The following DACH2 variants were observed in gnomAD, a reference collection of about 807,000 sequenced individuals.
The protein encoded by DACH2 is dachshund family transcription factor 2.
DACH2 carries 17 observed loss-of-function variants against 35.8 expected under a neutral mutation model. The observed-to-expected ratio is 0.48, with a 90% CI of 0.33 to 0.71. The LOEUF (loss-of-function observed/expected upper bound fraction) is 0.71, where lower values mean the gene tolerates loss of function less well. Among genes scored for constraint, DACH2 ranks in the 30% least tolerant of loss-of-function variants. The pLI, the probability that DACH2 is intolerant of heterozygous loss-of-function variation, is 0.02. For missense variants in DACH2, 469 were observed against 472.7 expected, an observed-to-expected ratio of 0.99 and a Z score of 0.07; for synonymous variants, 195 against 177.3, an observed-to-expected ratio of 1.10 and a Z score of -0.79.
intron 7 of DACH2, among the ~76,000 whole-genome samples, chrX:86,756,745 C>T (rs967440477): frequency 9.0e-6 from 1 of 110,908 alleles, no homozygotes; most frequent in Non-Finnish European, 1.9e-5. Context: ...TATGTAATTG[C>T]TCTGGCTAGG....
chrX:86,715,980 C>T (rs1019538829), intron 6 of DACH2, among the ~76,000 whole-genome samples: 8 of 111,573 alleles, frequency 7.2e-5, no homozygotes, highest in Non-Finnish European at 1.3e-4. Flanking sequence ...TTGGAGCCTT[C>T]TAAAGCACTG....
At chrX:86,564,544 A>G (rs1056811102) in intron 3 of DACH2, among the ~76,000 whole-genome samples, 3 of 111,574 alleles carry the variant, frequency 2.7e-5, no homozygotes, top group African/African-American at 9.8e-5. Flanking sequence ...CTTTAATTCC[A>G]GTGTAATTTA....
intron 3 of DACH2, among the ~76,000 whole-genome samples, chrX:86,585,621 C>A (rs925498039): frequency 2.7e-5 from 3 of 110,851 alleles, no homozygotes; most frequent in African/African-American, 9.8e-5. Flanking sequence ...TCCATGTATG[C>A]TCATTGGTTA....
intron 1 of DACH2, among the ~76,000 whole-genome samples, chrX:86,254,807 T>TATATATATATATATAGAGAGAG (rs1380613474): frequency 6.0e-5 from 3 of 49,652 alleles, no homozygotes; most frequent in African/African-American, 2.3e-4. Flanking sequence ...TATATATATA[T>TATATATATATATATAGAGAGAG]AGAGAGAGAG....
chrX:86,368,806 C>T (rs993351971), intron 1 of DACH2, among the ~76,000 whole-genome samples: 6 of 110,460 alleles, frequency 5.4e-5, no homozygotes, highest in Admixed American at 9.8e-5. Flanking sequence ...CGAGGGATTA[C>T]GGATGTAAGC....
chrX:86,188,136 A>G (rs1260714911), intron 1 of DACH2, among the ~76,000 whole-genome samples: 1 of 112,175 alleles, frequency 8.9e-6, no homozygotes, highest in East Asian at 2.8e-4. Flanking sequence ...AGGAACGCCA[A>G]GTAGCAATTG....
At chrX:86,227,666 A>C (rs1482102089) in intron 1 of DACH2, among the ~76,000 whole-genome samples, 1 of 107,898 alleles carries the variant, frequency 9.3e-6, no homozygotes, top group African/African-American at 3.4e-5. Flanking sequence ...CCTTACTACC[A>C]CTTACATTGC....
At chrX:86,231,401 C>T (rs935486895) in intron 1 of DACH2, among the ~76,000 whole-genome samples, 9 of 108,146 alleles carry the variant, frequency 8.3e-5, no homozygotes, top group Admixed American at 2.0e-4. Context: ...TAGGTAGGGG[C>T]GGGGCTAGGT....
intron 3 of DACH2, among the ~76,000 whole-genome samples, chrX:86,574,951 G>T (rs1356209871): frequency 3.6e-5 from 4 of 110,793 alleles, no homozygotes; most frequent in African/African-American, 1.3e-4. Flanking sequence ...TATCTCTCAT[G>T]GTAAAACAAA....
chrX:86,640,003 A>ATCTTATCT (rs1349713885), intron 3 of DACH2, among the ~76,000 whole-genome samples: 1 of 111,270 alleles, frequency 9.0e-6, no homozygotes, highest in Non-Finnish European at 1.9e-5. Flanking sequence ...ACAGGCTATC[A>ATCTTATCT]TCTTTGCTGT....
At chrX:86,413,543 C>T (rs919178708) in intron 2 of DACH2, among the ~76,000 whole-genome samples, 33 of 111,996 alleles carry the variant, frequency 2.9e-4, no homozygotes, top group Non-Finnish European at 5.6e-5. Context: ...CTGCACAGGC[C>T]AAATGGGAAA....
chrX:86,708,560 T>G (rs1029891381), intron 5 of DACH2, among the ~76,000 whole-genome samples: 1 of 100,003 alleles, frequency 1.0e-5, no homozygotes, highest in African/African-American at 3.8e-5. Flanking sequence ...AGTCAAAAAC[T>G]TATAAGTGGG....
chrX:86,198,516 A>T (rs1370615333), intron 1 of DACH2, among the ~76,000 whole-genome samples: 1 of 111,276 alleles, frequency 9.0e-6, no homozygotes, highest in Non-Finnish European at 1.9e-5. Context: ...TAAAACAGAT[A>T]GACTGCTAGC....
At chrX:86,304,056 A>G (rs1170977116) in intron 1 of DACH2, among the ~76,000 whole-genome samples, 1 of 112,019 alleles carries the variant, frequency 8.9e-6, no homozygotes, top group Non-Finnish European at 1.9e-5. Context: ...AACAAAATAA[A>G]GAGCCCAGAT....
At chrX:86,696,471 G>A (rs1432428080) in intron 5 of DACH2, among the ~76,000 whole-genome samples, 1 of 112,132 alleles carries the variant, frequency 8.9e-6, no homozygotes, top group African/African-American at 3.2e-5. Flanking sequence ...AGGTTATAAA[G>A]AGGGTAATTT....
intron 1 of DACH2, among the ~76,000 whole-genome samples, chrX:86,287,316 C>G (rs1269978374): frequency 1.8e-5 from 2 of 111,164 alleles, no homozygotes; most frequent in Non-Finnish European, 3.8e-5. Flanking sequence ...ACTATCTTTT[C>G]TTTATCTTAG....
chrX:86,626,764 T>C (rs1011374260), intron 3 of DACH2, among the ~76,000 whole-genome samples: 1 of 112,651 alleles, frequency 8.9e-6, no homozygotes, highest in Non-Finnish European at 1.9e-5. Flanking sequence ...TGTATGTTGG[T>C]CACTTTTAGT....
At chrX:86,262,469 T>C (rs189907632) in intron 1 of DACH2, among the ~76,000 whole-genome samples, 49 of 112,082 alleles carry the variant, frequency 4.4e-4, no homozygotes, top group African/African-American at 1.5e-3. Flanking sequence ...TGTAGATGAG[T>C]TTCTCTTTTC....
At chrX:86,291,701 G>C (rs1344712105) in intron 1 of DACH2, among the ~76,000 whole-genome samples, 1 of 100,434 alleles carries the variant, frequency 1.0e-5, no homozygotes, top group Non-Finnish European at 2.0e-5. Context: ...TTTTGTCTTT[G>C]GTTCTGTTTA....
Sources: allele counts gnomAD v4.1 joint callset (sites outside exome capture counted in the v4.1 genomes callset), GRCh38; gene constraint gnomAD v4.1.1; transcripts MANE v1.5; gene names NCBI Gene and HGNC (gene_info 2026-07-23, HGNC 2026-07-21).